PTK2: variants seen among roughly 807,000 people sequenced by gnomAD.
PTK2 encodes the protein protein tyrosine kinase 2.
PTK2 carries 45 observed loss-of-function variants against 150.1 expected under a neutral mutation model. That is an observed-to-expected ratio of 0.30 (90% CI 0.24 to 0.38). The LOEUF (loss-of-function observed/expected upper bound fraction) is 0.38. PTK2 is among the 10% of genes least tolerant of loss of function. The pLI, the probability that PTK2 is intolerant of heterozygous loss-of-function variation, is 1.00. For synonymous variants in PTK2, 432 were observed against 449.2 expected (o/e 0.96, Z 0.48); for missense variants, 919 against 1,307.3 (o/e 0.70, Z 4.58).
chr8:140,869,579 CT>C (rs903699669), intron 4 of PTK2, among the ~76,000 whole-genome samples: 10 of 146,230 alleles, frequency 6.8e-5, no homozygotes, highest in South Asian at 4.3e-4. Context: ...GTAGTAAAAC[CT>C]TTTTTTTTTA....
chr8:140,949,590 C>T lies in PTK2; in HGVS notation c.-121-23841G>A, dbSNP rs1392549923. Among the ~76,000 whole-genome samples, 5 of 152,320 alleles carry T rather than the reference C, an allele frequency of 3.3e-5. No individual in the cohort carries two copies. In the South Asian group the frequency reaches 6.2e-4, roughly 19 times the overall value. Reference sequence around the variant, plus strand: ...CAACCTGGCCGAGTATGCACATGCTCGAGGCAGCGCTGACACACCAGCCCC... The same window carrying T: ...CAACCTGGCCGAGTATGCACATGCTTGAGGCAGCGCTGACACACCAGCCCC... On this transcript the variant is annotated intron_variant, in intron 1 of 31. Coordinates refer to ENST00000522684, the Ensembl canonical transcript of PTK2.
intron 22 of PTK2, among the ~76,000 whole-genome samples, chr8:140,724,261 A>G (rs1466414490): frequency 2.0e-5 from 3 of 152,204 alleles, no homozygotes; most frequent in South Asian, 2.1e-4. Flanking sequence ...GAAAAACAAC[A>G]TATGTATTAA....
intron 23 of PTK2, among the ~76,000 whole-genome samples, chr8:140,714,064 T>C (rs2154220387): frequency 6.6e-6 from 1 of 152,058 alleles, no homozygotes; most frequent in East Asian, 1.9e-4. Flanking sequence ...AATTTTTAAA[T>C]TTTTCTGTAA....
intron 16 of PTK2, among the ~76,000 whole-genome samples, chr8:140,760,509 A>T (rs2100068800): frequency 6.6e-6 from 1 of 152,204 alleles, no homozygotes; most frequent in Non-Finnish European, 1.5e-5. Context: ...TCATTTATAC[A>T]AAATGTCCAG....
chr8:140,798,272 T>A (rs1052619072), intron 12 of PTK2, among the ~76,000 whole-genome samples: 6 of 152,114 alleles, frequency 3.9e-5, no homozygotes, highest in African/African-American at 1.4e-4. Context: ...TTGACTATAA[T>A]CCACTAAAGA....
At chr8:140,764,658 G>A (rs1445547731) in intron 14 of PTK2, 1 of 340,142 alleles carries the variant, frequency 2.9e-6, no homozygotes, top group Non-Finnish European at 5.3e-6. Flanking sequence ...TTGTCTACTG[G>A]GCTTTCTCCA....
intron 4 of PTK2, among the ~76,000 whole-genome samples, chr8:140,874,241 T>G (rs2100144272): frequency 1.3e-5 from 2 of 152,338 alleles, no homozygotes; most frequent in South Asian, 2.1e-4. Context: ...ACCAAGCTGT[T>G]TGAAGAGTGA....
chr8:140,739,360 G>A (rs1024256967), intron 20 of PTK2, among the ~76,000 whole-genome samples: 2 of 152,152 alleles, frequency 1.3e-5, no homozygotes, highest in South Asian at 4.1e-4. Flanking sequence ...CAGGGAGGGA[G>A]AGCAAACCTC....
At chr8:140,812,742 G>C (rs1231600352) in intron 10 of PTK2, among the ~76,000 whole-genome samples, 1 of 152,002 alleles carries the variant, frequency 6.6e-6, no homozygotes, top group Non-Finnish European at 1.5e-5. Context: ...CTTAATTTCA[G>C]ACAAAACAGA....
intron 2 of PTK2, among the ~76,000 whole-genome samples, chr8:140,907,746 T>C (rs1275865141): frequency 6.6e-6 from 1 of 152,196 alleles, no homozygotes; most frequent in East Asian, 1.9e-4. Flanking sequence ...ATATTTGATA[T>C]TTCTATTGTA....
chr8:140,744,049 C>A (rs1434522879), intron 19 of PTK2, among the ~76,000 whole-genome samples: 1 of 122,460 alleles, frequency 8.2e-6, no homozygotes, highest in Non-Finnish European at 1.6e-5. Context: ...AGTGCTGGGA[C>A]TACAGCTATG....
chr8:140,988,989 C>T (rs915948215), intron 1 of PTK2, among the ~76,000 whole-genome samples: 6 of 143,682 alleles, frequency 4.2e-5, no homozygotes, highest in African/African-American at 1.5e-4. Context: ...AATTACTTCA[C>T]AGCCTCAGGG....
chr8:140,839,206 C>A (rs1237254441), intron 7 of PTK2, among the ~76,000 whole-genome samples: 1 of 152,104 alleles, frequency 6.6e-6, no homozygotes, highest in African/African-American at 2.4e-5. Flanking sequence ...CCGACGGTAC[C>A]TGCAAGGTGG....
intron 1 of PTK2, among the ~76,000 whole-genome samples, chr8:140,988,110 C>T (rs1003896632): frequency 6.6e-6 from 1 of 151,580 alleles, no homozygotes; most frequent in Non-Finnish European, 1.5e-5. Context: ...AGTCCTAGTC[C>T]AACCATTCCC....
At chr8:140,784,899 T>G (rs540797173) in intron 14 of PTK2, among the ~76,000 whole-genome samples, 48 of 152,340 alleles carry the variant, frequency 3.2e-4, no homozygotes, top group Middle Eastern at 6.8e-3. Context: ...CACTGCAATC[T>G]TACTGAAGGT....
chr8:140,780,793 C>T (rs4246126), intron 14 of PTK2, among the ~76,000 whole-genome samples: 1 of 151,918 alleles, frequency 6.6e-6, no homozygotes, highest in Non-Finnish European at 1.5e-5. Flanking sequence ...AATATGCCTT[C>T]GATTTGCTTT....
At chr8:140,752,151 T>G in intron 17 of PTK2, 81 bp downstream of exon 20, 6 of 1,206,720 alleles carry the variant, frequency 5.0e-6, no homozygotes, top group Non-Finnish European at 7.3e-6. Flanking sequence ...AAAACACTAT[T>G]TTTCTTATTT....
intron 1 of PTK2, among the ~76,000 whole-genome samples, chr8:140,995,831 C>G (rs928740296): frequency 6.6e-6 from 1 of 151,990 alleles, no homozygotes; most frequent in African/African-American, 2.4e-5. Context: ...AAAGCGAGGC[C>G]TCCTGTGCCA....
chr8:140,879,688 A>AAC, intron 3 of PTK2, 51 bp from the exon 4 acceptor site: 1 of 1,267,546 alleles, frequency 7.9e-7, no homozygotes, highest in Non-Finnish European at 1.0e-6. Flanking sequence ...AAAAAAAAAA[A>AAC]AAAAAAAAAA....
Sources: allele counts gnomAD v4.1 joint callset (sites outside exome capture counted in the v4.1 genomes callset), GRCh38; gene constraint gnomAD v4.1.1; transcripts MANE v1.5; gene names NCBI Gene and HGNC (gene_info 2026-07-23, HGNC 2026-07-21).